ELMO2: variants seen among roughly 807,000 people sequenced by gnomAD.
ELMO2 encodes the protein engulfment and cell motility protein 2.
ELMO2 carries 37 observed loss-of-function variants against 96.2 expected under a neutral mutation model. That is an observed-to-expected ratio of 0.38 (90% confidence interval 0.30 to 0.51). ELMO2 has a LOEUF of 0.51. Ranked by LOEUF, ELMO2 falls within the 20% of genes least tolerant of loss-of-function variation. ELMO2 has a pLI of 0.88. For synonymous variants in ELMO2, 315 were observed against 329.4 expected (o/e 0.96, Z 0.47); for missense variants, 561 against 912.6 (o/e 0.61, Z 4.96).
Position 46,367,153 on chromosome 20 carries a change from G to C in ELMO2, c.*207C>G. The C allele has an allele frequency of 2.2e-6, 1 of 462,854 alleles. No homozygotes were observed. The highest frequency in any genetic ancestry group is 3.7e-6 in the Non-Finnish European group (1 of 267,074). 28.7% of individuals were successfully genotyped at this position (462,854 alleles called of 1,614,324 possible). The stretch of plus-strand genomic sequence containing the variant: ...AGGCTTCATGGTGATGGAGTGGGCA[G>C]AGCACCCTGCCTTCATGACTCTTAG... On this transcript the variant is annotated 3_prime_UTR_variant, in exon 22 of 22. Transcript: ENST00000290246.
intron 10 of ELMO2, 113 bp downstream of exon 10, chr20:46,383,302 GA>G: frequency 8.8e-7 from 1 of 1,133,992 alleles, no homozygotes; most frequent in Admixed American, 1.8e-5. Flanking sequence ...CAGCTAAGAG[GA>G]AGAACTCTTG....
At chr20:46,395,524 C>T (rs2060228328) in intron 2 of ELMO2, among the ~76,000 whole-genome samples, 2 of 152,232 alleles carry the variant, frequency 1.3e-5, no homozygotes, top group South Asian at 4.1e-4. Context: ...TCATGCCTCG[C>T]TAATGGGGAC....
intron 16 of ELMO2, 84 bp downstream of exon 16, chr20:46,373,315 A>G (rs1367512705): frequency 1.5e-5 from 23 of 1,570,300 alleles, no homozygotes; most frequent in Non-Finnish European, 1.9e-5. Flanking sequence ...CAGCTCAGGG[A>G]TTCTCCAGGT....
intron 10 of ELMO2, chr20:46,382,293 G>T: frequency 7.8e-7 from 1 of 1,288,108 alleles, no homozygotes; most frequent in Admixed American, 2.3e-5. Context: ...TGAGCTTTCA[G>T]CTTACATTCA....
chr20:46,387,632 CAAAAAAAAAAAAAA>C (rs60792576), intron 7 of ELMO2, 195 bp from the exon 8 acceptor site: 1 of 107,792 alleles, frequency 9.3e-6, no homozygotes, highest in African/African-American at 3.6e-5. Context: ...TCTATCGCTG[CAAAAAAAAAAAAAA>C]AAAAAAATGT....
rs991327737 is a variant in ELMO2 at position 46,366,724 on chromosome 20, G to A, written c.*636C>T. On this transcript the variant is annotated 3_prime_UTR_variant, in exon 22 of 22. Transcript: ENST00000290246. ...TTGACTTGCTGGGATGAGACTGAGC[G>A]CTTGCAGGGAGAAATTTCCGTCTGC... The A allele has an allele frequency of 1.6e-4, 25 of 152,720 alleles. No individual in the cohort carries two copies. The highest frequency in any genetic ancestry group is 5.1e-4 in the African/African-American group (21 of 41,568). 9.5% of individuals were successfully genotyped at this position (152,720 alleles called of 1,614,324 possible).
At chr20:46,390,060 G>A (rs1203062690) in intron 6 of ELMO2, among the ~76,000 whole-genome samples, 1 of 151,978 alleles carries the variant, frequency 6.6e-6, no homozygotes, top group Non-Finnish European at 1.5e-5. Context: ...GGCTGAGGCA[G>A]GAAAATTGCT....
Position 46,375,508 on chromosome 20 carries a change from G to A in ELMO2, c.931-138C>T, listed in dbSNP as rs2059841832. ...GGAGGCATCACCTCTACCACAGCAG[G>A]ACAGAAATGGGCTTGGCTCATGGTG... On this transcript the variant is annotated intron_variant, in intron 12 of 21. Coordinates refer to ENST00000290246, the MANE Select transcript of ELMO2 (RefSeq NM_133171.5). The surrounding 1 kb of genome is among the most constrained non-coding windows in gnomAD (Gnocchi z 4.6). 6.8e-7 allele frequency: 1 copy of A among 1,477,264 alleles called. No homozygotes were observed. Among genetic ancestry groups the A allele is most frequent in the African/African-American group, 1.4e-5 (1 of 71,752 alleles). 91.5% of individuals were successfully genotyped at this position (1,477,264 alleles called of 1,614,324 possible).
rs1417317952 is a variant in ELMO2 at position 46,375,817 on chromosome 20, G to C, written c.808-27C>G. On this transcript the variant is annotated intron_variant, in intron 11 of 21. Coordinates refer to ENST00000290246, the MANE Select transcript of ELMO2 (RefSeq NM_133171.5). The surrounding 1 kb of genome is among the most constrained non-coding windows in gnomAD (Gnocchi z 4.6). ...TAGAAAAAGCACAGGCAGGGAGCAGGGGACTGAACTGATCTCTTTTAATGA... is the reference window on the plus strand; with the variant it reads ...TAGAAAAAGCACAGGCAGGGAGCAGCGGACTGAACTGATCTCTTTTAATGA... 1 of 1,613,530 alleles carries C rather than the reference G, an allele frequency of 6.2e-7. No individual in the cohort carries two copies. The highest frequency in any genetic ancestry group is 1.7e-5 in the Admixed American group (1 of 59,998).
chr20:46,394,594 A>G, intron 2 of ELMO2, 62 bp from the exon 3 acceptor site: 1 of 1,296,160 alleles, frequency 7.7e-7, no homozygotes, highest in Admixed American at 1.9e-5. Flanking sequence ...CTCTTGTTAC[A>G]TGTTTTGAAG....
chr20:46,398,460 T>G (rs1256876888), intron 2 of ELMO2, among the ~76,000 whole-genome samples: 1 of 152,088 alleles, frequency 6.6e-6, no homozygotes, highest in Non-Finnish European at 1.5e-5. Context: ...TTACAGATAC[T>G]CACCACCACG....
chr20:46,385,743 A>AG (rs1296997091), intron 9 of ELMO2, among the ~76,000 whole-genome samples: 1 of 152,230 alleles, frequency 6.6e-6, no homozygotes, highest in Non-Finnish European at 1.5e-5. Flanking sequence ...CTCTGTTTCA[A>AG]GGGGGCTCTA....
intron 1 of ELMO2, among the ~76,000 whole-genome samples, chr20:46,399,888 C>T (rs1000996930): frequency 1.2e-4 from 18 of 152,180 alleles, no homozygotes; most frequent in African/African-American, 4.1e-4. Flanking sequence ...TTTGGCTGGG[C>T]GCAGTGGCTC....
At chr20:46,387,537 C>A in intron 7 of ELMO2, 100 bp from the exon 8 acceptor site, 1 of 867,476 alleles carries the variant, frequency 1.2e-6, no homozygotes, top group Non-Finnish European at 1.9e-6. Flanking sequence ...AATGTGAACA[C>A]CCCATGGGAA....
At chr20:46,367,623 G>A in intron 21 of ELMO2, 63 bp from the exon 22 acceptor site, 4 of 1,406,698 alleles carry the variant, frequency 2.8e-6, no homozygotes, top group Non-Finnish European at 3.9e-6. Context: ...ATCCTGCCAA[G>A]GTCTCTTTTC....
intron 1 of ELMO2, among the ~76,000 whole-genome samples, chr20:46,404,221 C>G (rs1297375092): frequency 6.6e-6 from 1 of 152,188 alleles, no homozygotes; most frequent in Non-Finnish European, 1.5e-5. Flanking sequence ...GGTATGGTGA[C>G]CAGGTCAAAG....
In ELMO2 at chr20:46,393,058, C is replaced by T. The variant is rs777747613; in HGVS notation, c.243+35G>A. 6.9e-6 allele frequency: 11 copies of T among 1,598,842 alleles called. No individual in the cohort carries two copies. In the African/African-American group the frequency reaches 1.1e-4, roughly 16 times the overall value. On this transcript the variant is annotated intron_variant, in intron 6 of 21. Coordinates refer to ENST00000290246, the MANE Select transcript of ELMO2 (RefSeq NM_133171.5). Reference sequence around the variant, plus strand: ...GGTAGGTGCTCATATTTGTTTGTGACATGAATAAACTCCTAAGGAAGAAAG... The same window carrying T: ...GGTAGGTGCTCATATTTGTTTGTGATATGAATAAACTCCTAAGGAAGAAAG...
chr20:46,396,893 C>G (rs1048999736), intron 2 of ELMO2, among the ~76,000 whole-genome samples: 8 of 152,090 alleles, frequency 5.3e-5, no homozygotes, highest in African/African-American at 1.9e-4. Flanking sequence ...TCTAAAAGTC[C>G]ATGATTCTTA....
chr20:46,367,269 T>C lies in ELMO2; in HGVS notation c.*91A>G. 1.6e-6 allele frequency: 2 copies of C among 1,258,338 alleles called. No homozygotes were observed. The highest frequency in any genetic ancestry group is 2.1e-6 in the Non-Finnish European group (2 of 945,796). 77.9% of individuals were successfully genotyped at this position (1,258,338 alleles called of 1,614,324 possible). A position where few individuals can be genotyped will look rare whatever the true frequency, so the allele number is the denominator to read the frequency against. ...TGGCCACCAAAATCACTACAGATTC[T>C]GTACAAGCAAAAGACAAGGCACCAG... On this transcript the variant is annotated 3_prime_UTR_variant, in exon 22 of 22. Coordinates refer to ENST00000290246, the MANE Select transcript of ELMO2 (RefSeq NM_133171.5).
Sources: gnomAD v4.1 joint callset for allele counts (sites outside exome capture counted in the v4.1 genomes callset) on GRCh38, gnomAD v4.1.1 for gene constraint, Gnocchi (gnomAD v3.1) non-coding constraint, MANE v1.5 for transcripts, NCBI Gene and HGNC (gene_info 2026-07-23, HGNC 2026-07-21) for gene names.